Variants in YY1AP1 observed in about 807,000 individuals in gnomAD.
The protein encoded by YY1AP1 is YY1 associated protein 1, also known as YY1-associated protein 1.
A neutral mutation model predicts 39.9 loss-of-function variants in YY1AP1; 43 were observed. That is an observed-to-expected ratio of 1.08 (90% confidence interval 0.84 to 1.39). The LOEUF is 1.39. Ranked by LOEUF, YY1AP1 falls within the 40% of genes most tolerant of loss-of-function variation. The pLI is 0.00. For missense variants in YY1AP1, 813 were observed against 900.7 expected, an observed-to-expected ratio of 0.90 and a Z score of 1.25; for synonymous variants, 292 against 331.3, an observed-to-expected ratio of 0.88 and a Z score of 1.29.
At chr1:155,672,166 T>C (rs1406365288) in intron 7 of YY1AP1, 1 of 291,678 alleles carries the variant, frequency 3.4e-6, no homozygotes, top group African/African-American at 2.2e-5. Context: ...ATAAAGTTAG[T>C]TGATCTTAAT....
chr1:155,662,595 C>T (rs1648332296), intron 9 of YY1AP1, among the ~76,000 whole-genome samples: 1 of 152,080 alleles, frequency 6.6e-6, no homozygotes. Flanking sequence ...TTTTCTATAT[C>T]CTAGGCACTG....
chr1:155,670,565 CT>C, intron 7 of YY1AP1, 101 bp from the exon 8 acceptor site: 1 of 1,283,804 alleles, frequency 7.8e-7, no homozygotes, highest in Non-Finnish European at 1.1e-6. Context: ...CTGTCCTTAT[CT>C]AACTTGATTC....
chr1:155,683,562 A>G (rs1651810262), intron 2 of YY1AP1, among the ~76,000 whole-genome samples: 1 of 152,234 alleles, frequency 6.6e-6, no homozygotes, highest in East Asian at 1.9e-4. Context: ...ACATTGAGGC[A>G]GGAGAATCAC....
chr1:155,660,388 CAG>C lies in YY1AP1; in HGVS notation c.1520_1521del (p.Pro507ArgfsTer65), dbSNP rs1647876909. On this transcript the variant is annotated frameshift_variant, in exon 11 of 11. Coordinates refer to ENST00000355499, the MANE Select transcript of YY1AP1 (RefSeq NM_139119.3). LOFTEE classifies it low-confidence loss of function (END_TRUNC). ...GGGGAGGGCATCATTACCTTGGGCACAGGGGCAGAAGAGAGCAAAGTCTGGGA... is the reference window on the plus strand; with the variant it reads ...GGGGAGGGCATCATTACCTTGGGCACGGGCAGAAGAGAGCAAAGTCTGGGA... The part of the protein sequence containing the change: ...SESQTLLSSA[P>X]VPKVMMPSPA... 6.2e-7 allele frequency: 1 copy of C among 1,614,008 alleles called. No homozygotes were observed. The highest frequency in any genetic ancestry group is 8.5e-7 in the Non-Finnish European group (1 of 1,180,034).
Position 155,680,437 on chromosome 1 carries a change from C to G in YY1AP1, c.-1G>C, listed in dbSNP as rs1241313607. 2.7e-5 allele frequency: 43 copies of G among 1,613,514 alleles called. No homozygotes were observed. The highest frequency in any genetic ancestry group is 3.5e-5 in the Non-Finnish European group (41 of 1,179,692). On this transcript the variant is annotated 5_prime_UTR_variant, in exon 3 of 11. Coordinates refer to ENST00000355499, the MANE Select transcript of YY1AP1 (RefSeq NM_139119.3). ...TCACAGTTTCAAACAGATCTTCCATCAGCTCATTTGCTTCCTTTTCTGCAA... is the reference window on the plus strand; with the variant it reads ...TCACAGTTTCAAACAGATCTTCCATGAGCTCATTTGCTTCCTTTTCTGCAA...
intron 9 of YY1AP1, among the ~76,000 whole-genome samples, chr1:155,665,861 G>T (rs1329241668): frequency 6.6e-6 from 1 of 150,456 alleles, no homozygotes; most frequent in Admixed American, 6.6e-5. Flanking sequence ...ATCTAACACA[G>T]TATGAGGCAA....
chr1:155,665,050 G>A (rs1431891732), intron 9 of YY1AP1, among the ~76,000 whole-genome samples: 2 of 151,860 alleles, frequency 1.3e-5, no homozygotes, highest in Non-Finnish European at 1.5e-5. Flanking sequence ...GATTACAGGC[G>A]TGAGCCACTG....
chr1:155,665,512 T>C (rs1264777506), intron 9 of YY1AP1, among the ~76,000 whole-genome samples: 2 of 151,708 alleles, frequency 1.3e-5, no homozygotes, highest in Non-Finnish European at 2.9e-5. Flanking sequence ...GGCAGGAGAA[T>C]TGCTTGAACC....
Position 155,660,296 on chromosome 1 carries a change from G to T in YY1AP1, c.1614C>A (p.Ala538=). The T allele has an allele frequency of 6.2e-7, 1 of 1,614,196 alleles. No homozygotes were observed. Among genetic ancestry groups the T allele is most frequent in the South Asian group, 1.1e-5 (1 of 91,078 alleles). ...CAGGGGCAGGTTTGATACAGCGAAA[G>T]GCCCTGGCTCCCCTTCTTTTTGAGG... ...RRPSKRRGAR[A]FRCIKPAPVI... is the part of the protein sequence containing the mutation. The change falls in exon 11 of 11, where the codon GCC becomes GCA. Residue 538 remains alanine, a synonymous_variant. Coordinates refer to ENST00000355499, the MANE Select transcript of YY1AP1 (RefSeq NM_139119.3).
rs189656358 is a variant in YY1AP1 at position 155,670,631 on chromosome 1, C to G, written c.584-167G>C. 1.8e-3 allele frequency: 1,188 copies of G among 651,412 alleles called. 5 individuals carry two copies. The highest frequency in any genetic ancestry group is 2.3e-3 in the Non-Finnish European group (914 of 389,488). 40.4% of individuals were successfully genotyped at this position (651,412 alleles called of 1,614,324 possible). A position where few individuals can be genotyped will look rare whatever the true frequency, so the allele number is the denominator to read the frequency against. On this transcript the variant is annotated intron_variant, in intron 7 of 10. Coordinates refer to ENST00000355499, the MANE Select transcript of YY1AP1 (RefSeq NM_139119.3). Reference sequence around the variant, plus strand: ...GTTTCCACAGTCTTTCCTCAACTAACATTAGGTCTAAAGGGAGTCCCATTC... The same window carrying G: ...GTTTCCACAGTCTTTCCTCAACTAAGATTAGGTCTAAAGGGAGTCCCATTC...
chr1:155,676,195 C>G (rs1234888585), intron 5 of YY1AP1, among the ~76,000 whole-genome samples: 1 of 151,362 alleles, frequency 6.6e-6, no homozygotes, highest in Non-Finnish European at 1.5e-5. Flanking sequence ...GCACTCCAGC[C>G]TGGGTGACAG....
At chr1:155,679,880 G>A (rs953146207) in intron 3 of YY1AP1, 9 of 908,140 alleles carry the variant, frequency 9.9e-6, no homozygotes, top group Non-Finnish European at 1.3e-5. Flanking sequence ...AATGACAGTA[G>A]GGGAAGCCAT....
chr1:155,681,122 C>G (rs1220409634), intron 2 of YY1AP1, among the ~76,000 whole-genome samples: 1 of 151,716 alleles, frequency 6.6e-6, no homozygotes, highest in Non-Finnish European at 1.5e-5. Flanking sequence ...CCTCCGCCTC[C>G]CAGGTTCAAG....
intron 5 of YY1AP1, among the ~76,000 whole-genome samples, chr1:155,675,359 G>C (rs968780007): frequency 6.6e-6 from 1 of 151,610 alleles, no homozygotes; most frequent in Non-Finnish European, 1.5e-5. Flanking sequence ...ACAGAGTCTC[G>C]CACTGACTTT....
In YY1AP1 at chr1:155,661,344, A is replaced by G. The variant is rs1434479633; in HGVS notation, c.959T>C (p.Ile320Thr). 2.5e-6 allele frequency: 4 copies of G among 1,613,772 alleles called. No homozygotes were observed. The highest frequency in any genetic ancestry group is 1.1e-5 in the South Asian group (1 of 91,058). The part of the protein sequence containing the change: ...EIQPHQWKPP[I>T]EREEHRLPFW... ...TGGGAGCCGGTGTTCTTCTCTCTCT[A>G]TAGGTGGCTTCCACTGATGTGGCTG... The change falls in exon 10 of 11, where the codon ATA becomes ACA. Residue 320 changes from isoleucine to threonine, a missense_variant. Physicochemically the swap from Ile to Thr is moderately conservative, Grantham distance 89. Coordinates refer to ENST00000355499, the MANE Select transcript of YY1AP1 (RefSeq NM_139119.3).
chr1:155,659,965 C>A lies in YY1AP1; in HGVS notation c.1945G>T (p.Glu649Ter). The A allele has an allele frequency of 6.2e-7, 1 of 1,614,224 alleles. No homozygotes were observed. The highest frequency in any genetic ancestry group is 8.5e-7 in the Non-Finnish European group (1 of 1,180,046). ...VDIACAVADGENAFQGLEPKL... is the reference protein window; with the variant it reads ...VDIACAVADG ...GGTTCTAGGCCCTGAAAGGCATTTTCCCCATCAGCCACAGCACAAGCAATG... is the reference window on the plus strand; with the variant it reads ...GGTTCTAGGCCCTGAAAGGCATTTTACCCATCAGCCACAGCACAAGCAATG... The change falls in exon 11 of 11, where the codon GAA becomes TAA. Residue 649 changes from glutamate (E) to a stop codon, truncating the protein, a stop_gained. Transcript: ENST00000355499. LOFTEE classifies it low-confidence loss of function (END_TRUNC).
intron 6 of YY1AP1, 27 bp from the exon 7 acceptor site, chr1:155,672,758 C>T (rs630251): frequency 1.2e-6 from 2 of 1,614,148 alleles, no homozygotes; most frequent in South Asian, 1.1e-5. Flanking sequence ...CAAGGAAGAT[C>T]TAAGACAATT....
intron 4 of YY1AP1, among the ~76,000 whole-genome samples, chr1:155,678,193 G>A (rs1269785838): frequency 1.3e-5 from 2 of 152,156 alleles, no homozygotes; most frequent in South Asian, 2.1e-4. Flanking sequence ...GTAACACACT[G>A]TACAGGTTTT....
At position 155,659,647 on chromosome 1, in the gene YY1AP1, T is replaced by A. The variant is rs769136644; in HGVS notation, c.*10A>T. 1 of 1,613,888 alleles carries A rather than the reference T, an allele frequency of 6.2e-7. No individual in the cohort carries two copies. The highest frequency in any genetic ancestry group is 8.5e-7 in the Non-Finnish European group (1 of 1,179,940). On this transcript the variant is annotated 3_prime_UTR_variant, in exon 11 of 11. Transcript: ENST00000355499. ...AAGGCTCCCAGTCTCCAGACTCTTA[T>A]TCTCCTAGCTCAAAGAAATCCACTG...
Sources: gnomAD v4.1 joint callset for allele counts (sites outside exome capture counted in the v4.1 genomes callset) on GRCh38, gnomAD v4.1.1 for gene constraint, MANE v1.5 for transcripts, NCBI Gene and HGNC (gene_info 2026-07-23, HGNC 2026-07-21) for gene names.